PTPRT: variants seen among roughly 807,000 people sequenced by gnomAD.
PTPRT encodes protein tyrosine phosphatase receptor type T.
A neutral mutation model predicts 176.8 loss-of-function variants in PTPRT; 56 were observed. The ratio of observed to expected loss-of-function variants is 0.32; its 90% CI spans 0.26 to 0.40. The LOEUF (loss-of-function observed/expected upper bound fraction) is 0.40, where lower values mean the gene tolerates loss of function less well. PTPRT is among the 10% of genes least tolerant of loss of function. The pLI is 1.00. For missense variants in PTPRT, 1,540 were observed against 1,908.2 expected (o/e 0.81, Z 3.60); for synonymous variants, 783 against 739.0 (o/e 1.06, Z -0.96).
At chr20:42,658,680 C>T (rs189286302) in intron 7 of PTPRT, among the ~76,000 whole-genome samples, 50 of 152,304 alleles carry the variant, frequency 3.3e-4, no homozygotes, top group Admixed American at 2.1e-3. Flanking sequence ...AGTAGATAAA[C>T]TTGCAAATAT....
chr20:42,295,505 G>T (rs1337408766), intron 12 of PTPRT, among the ~76,000 whole-genome samples: 9 of 152,142 alleles, frequency 5.9e-5, no homozygotes, highest in African/African-American at 2.2e-4. Flanking sequence ...TTCAGCAAAA[G>T]GACTGATGGG....
At chr20:42,699,296 C>G (rs1352021111) in intron 6 of PTPRT, among the ~76,000 whole-genome samples, 1 of 152,110 alleles carries the variant, frequency 6.6e-6, no homozygotes, top group Non-Finnish European at 1.5e-5. Context: ...CATTTTGCAC[C>G]TGCTGAAATA....
At chr20:42,747,564 G>A (rs567580863) in intron 6 of PTPRT, among the ~76,000 whole-genome samples, 1 of 152,174 alleles carries the variant, frequency 6.6e-6, no homozygotes, top group Non-Finnish European at 1.5e-5. Context: ...TTCAGATAAG[G>A]TAATCAGAGG....
chr20:42,933,228 A>T (rs1051560423), intron 1 of PTPRT, among the ~76,000 whole-genome samples: 8 of 152,294 alleles, frequency 5.3e-5, no homozygotes, highest in Admixed American at 1.3e-4. Context: ...CCTTCAGCCA[A>T]GAATGTCTTC....
intron 7 of PTPRT, among the ~76,000 whole-genome samples, chr20:42,630,875 T>C (rs1205101023): frequency 2.0e-5 from 3 of 152,122 alleles, no homozygotes; most frequent in Non-Finnish European, 4.4e-5. Context: ...GAAAGAACCA[T>C]GTGTGGAGTT....
At chr20:42,850,184 A>T (rs904153687) in intron 2 of PTPRT, among the ~76,000 whole-genome samples, 1 of 152,156 alleles carries the variant, frequency 6.6e-6, no homozygotes, top group African/African-American at 2.4e-5. Flanking sequence ...AGCTTTGTTC[A>T]CCGGGTTGAA....
intron 7 of PTPRT, among the ~76,000 whole-genome samples, chr20:42,604,983 T>C (rs2073848732): frequency 6.6e-6 from 1 of 151,966 alleles, no homozygotes; most frequent in Non-Finnish European, 1.5e-5. Context: ...TCAGCAGGGG[T>C]GTCTGATATA....
intron 7 of PTPRT, among the ~76,000 whole-genome samples, chr20:42,566,111 TAA>T (rs57074457): frequency 3.3e-5 from 5 of 151,148 alleles, no homozygotes; most frequent in Middle Eastern, 3.4e-3. Flanking sequence ...AAAGTATAAT[TAA>T]AAAAAAATAG....
chr20:42,228,157 C>T (rs772040739), intron 15 of PTPRT, among the ~76,000 whole-genome samples: 9 of 152,140 alleles, frequency 5.9e-5, no homozygotes, highest in South Asian at 4.1e-4. Flanking sequence ...AAAGTAATTG[C>T]GGTTTTTGCC....
intron 6 of PTPRT, among the ~76,000 whole-genome samples, chr20:42,696,464 T>TATTTTATTTTA (rs11467052): frequency 5.8e-4 from 81 of 139,296 alleles, no homozygotes; most frequent in African/African-American, 1.4e-3. Flanking sequence ...AATTATTTTT[T>TATTTTATTTTA]TTTTTTTTTG....
rs373131845 is a variant in PTPRT, at chr20:42,678,814, C to T, written c.860-655G>A. Among the ~76,000 whole-genome samples the T allele has an allele frequency of 1.3e-5, 2 of 152,314 alleles. 1 individual carries two copies. On this transcript the variant is annotated intron_variant, in intron 6 of 30. Coordinates refer to ENST00000373187, the MANE Select transcript of PTPRT (RefSeq NM_007050.6). The stretch of plus-strand genomic sequence containing the variant: ...TCTGTTTTCTAGCCTCAAAGGAAAA[C>T]CTGCTTTTGCTGAAGTAAAGTTTGG...
chr20:42,663,366 C>G (rs939628888), intron 7 of PTPRT, among the ~76,000 whole-genome samples: 2 of 152,150 alleles, frequency 1.3e-5, no homozygotes, highest in East Asian at 3.9e-4. Context: ...AGGATGAGTT[C>G]TATGCTGGGC....
chr20:42,376,349 C>G (rs187079989), intron 9 of PTPRT, among the ~76,000 whole-genome samples: 59 of 152,326 alleles, frequency 3.9e-4, no homozygotes, highest in Non-Finnish European at 2.1e-4. Flanking sequence ...AAGGAATACT[C>G]TCCCTGAGAG....
intron 3 of PTPRT, among the ~76,000 whole-genome samples, chr20:42,780,567 C>T (rs2077200185): frequency 6.6e-6 from 1 of 152,100 alleles, no homozygotes; most frequent in Admixed American, 6.5e-5. Context: ...ACCCAAACAC[C>T]GAGGTCTCGG....
At chr20:42,383,147 A>C (rs1233354322) in intron 9 of PTPRT, among the ~76,000 whole-genome samples, 1 of 152,190 alleles carries the variant, frequency 6.6e-6, no homozygotes, top group Non-Finnish European at 1.5e-5. Context: ...TCATTAAATA[A>C]ATTTGAGTGG....
chr20:42,036,791 C>T, the PTPRT span, among the ~76,000 whole-genome samples: 1 of 152,142 alleles, frequency 6.6e-6, no homozygotes, highest in African/African-American at 2.4e-5. Context: ...AGGGAGTACT[C>T]AGCTTGTGAC....
chr20:42,361,357 T>C (rs1175201182), intron 9 of PTPRT, among the ~76,000 whole-genome samples: 1 of 152,172 alleles, frequency 6.6e-6, no homozygotes, highest in Non-Finnish European at 1.5e-5. Context: ...TTTTAGAAAA[T>C]AGCCCATATC....
In PTPRT at chr20:42,934,691, G is replaced by A. The variant is rs530439433; in HGVS notation, c.89-48759C>T. Among the ~76,000 whole-genome samples the A allele has an allele frequency of 2.6e-5, 4 of 152,292 alleles. No individual in the cohort carries two copies. The South Asian group carries it at 8.3e-4, about 32-fold the overall frequency. On this transcript the variant is annotated intron_variant, in intron 1 of 30. Coordinates refer to ENST00000373187, the MANE Select transcript of PTPRT (RefSeq NM_007050.6). Reference sequence around the variant, plus strand: ...CTTGCCTTGTGAGTGTCGCTATAGAGTGTCTCACAACACACCAGCTTGCTT... The same window carrying A: ...CTTGCCTTGTGAGTGTCGCTATAGAATGTCTCACAACACACCAGCTTGCTT...
Position 42,887,405 on chromosome 20 carries a change from G to A in PTPRT, c.89-1473C>T, listed in dbSNP as rs116356133. Among the ~76,000 whole-genome samples the A allele has an allele frequency of 1.6e-3, 237 of 152,258 alleles. 3 individuals are homozygous for A. The highest frequency in any genetic ancestry group is 5.6e-3 in the African/African-American group (231 of 41,568). On this transcript the variant is annotated intron_variant, in intron 1 of 30. Transcript: ENST00000373187. ...CAGATGCTGAATCTGCCAATGTCTC[G>A]ATCTTATACTTCCTAGTCCCCAGGA...
Sources: gnomAD v4.1 joint callset for allele counts (sites outside exome capture counted in the v4.1 genomes callset) on GRCh38, gnomAD v4.1.1 for gene constraint, MANE v1.5 for transcripts, NCBI Gene and HGNC (gene_info 2026-07-23, HGNC 2026-07-21) for gene names.